The following EYS variants were observed in gnomAD, a reference collection of about 807,000 sequenced individuals.
The protein encoded by EYS is EGF-like photoreceptor maintenance factor, also known as protein eyes shut homolog.
Under a neutral mutation model 282.1 loss-of-function variants are expected in EYS, and 250 were observed. The observed-to-expected ratio is 0.89, with a 90% CI of 0.80 to 0.98. The LOEUF (loss-of-function observed/expected upper bound fraction) is 0.98, where lower values mean the gene tolerates loss of function less well. Among genes scored for constraint, EYS ranks in the 50% least tolerant of loss-of-function variants. EYS has a pLI of 0.00. For missense variants in EYS, 4,016 were observed against 3,709.0 expected, an observed-to-expected ratio of 1.08 and a Z score of -2.15; for synonymous variants, 1,355 against 1,282.9, an observed-to-expected ratio of 1.06 and a Z score of -1.20.
intron 12 of EYS, among the ~76,000 whole-genome samples, chr6:65,181,292 T>A (rs1330080315): frequency 6.6e-6 from 1 of 151,962 alleles, no homozygotes. Flanking sequence ...GGGAGAAAAT[T>A]TTTGCAATCT....
At chr6:64,851,816 G>A (rs978023380) in intron 19 of EYS, among the ~76,000 whole-genome samples, 2 of 151,962 alleles carry the variant, frequency 1.3e-5, no homozygotes, top group African/African-American at 2.4e-5. Flanking sequence ...GGTGGGAGAA[G>A]GGAAAGGATC....
At chr6:64,694,881 ACTGGTCATT>A (rs1345984317) in intron 22 of EYS, among the ~76,000 whole-genome samples, 4 of 152,050 alleles carry the variant, frequency 2.6e-5, no homozygotes, top group African/African-American at 9.7e-5. Flanking sequence ...GACTTGGCTA[ACTGGTCATT>A]CTTGCTGCCA....
At chr6:65,546,174 A>C (rs1026277502) in intron 2 of EYS, among the ~76,000 whole-genome samples, 1 of 144,054 alleles carries the variant, frequency 6.9e-6, no homozygotes, top group African/African-American at 2.5e-5. Flanking sequence ...GCACATGACT[A>C]CATCTGTCTA....
intron 31 of EYS, among the ~76,000 whole-genome samples, chr6:64,096,954 T>C (rs1002941638): frequency 6.6e-6 from 1 of 152,216 alleles, no homozygotes; most frequent in African/African-American, 2.4e-5. Context: ...TTCTGTTTGA[T>C]AGTTTTCCTT....
intron 1 of EYS, among the ~76,000 whole-genome samples, chr6:65,675,979 A>T (rs1237100451): frequency 6.6e-6 from 1 of 151,874 alleles, no homozygotes; most frequent in African/African-American, 2.4e-5. Flanking sequence ...AAACTAACAC[A>T]CTACCAATGG....
At chr6:64,697,343 C>T (rs1358140509) in intron 22 of EYS, among the ~76,000 whole-genome samples, 4 of 151,904 alleles carry the variant, frequency 2.6e-5, no homozygotes, top group African/African-American at 7.3e-5. Context: ...TATAACAACC[C>T]AAAATACATA....
chr6:63,815,303 G>C (rs571541874), intron 36 of EYS, among the ~76,000 whole-genome samples: 1 of 152,262 alleles, frequency 6.6e-6, no homozygotes, highest in East Asian at 1.9e-4. Flanking sequence ...GCTCAGAGAT[G>C]TTAAGTCACA....
At chr6:64,202,298 T>TA (rs1462231249) in intron 31 of EYS, among the ~76,000 whole-genome samples, 2 of 152,196 alleles carry the variant, frequency 1.3e-5, no homozygotes, top group Non-Finnish European at 2.9e-5. Flanking sequence ...AGTTATTTTC[T>TA]GAGAAGCATC....
intron 5 of EYS, among the ~76,000 whole-genome samples, chr6:65,440,117 A>G (rs149227864): frequency 5.3e-5 from 8 of 152,246 alleles, no homozygotes; most frequent in Admixed American, 2.6e-4. Flanking sequence ...GTGAAAGTCA[A>G]TGGAACAAAT....
rs534587761 is a variant in EYS at position 63,826,174 on chromosome 6, TTAATC to T, written c.7229-19807_7229-19803del. 6.9e-3 allele frequency among the ~76,000 whole-genome samples: 1,051 copies of T among 152,222 alleles called. 5 individuals are homozygous for T. The highest frequency in any genetic ancestry group is 0.011 in the Non-Finnish European group (751 of 67,998). On this transcript the variant is annotated intron_variant, in intron 36 of 42. Coordinates refer to ENST00000503581, the MANE Select transcript of EYS (RefSeq NM_001142800.2). ...AGAGCTCAAAGACAAGGTCTTTGGATTAATCCAATCCAACAAAGACAAAAAATAAG... is the reference window on the plus strand; with the variant it reads ...AGAGCTCAAAGACAAGGTCTTTGGATCAATCCAACAAAGACAAAAAATAAG...
intron 22 of EYS, among the ~76,000 whole-genome samples, chr6:64,724,870 T>G (rs1224489387): frequency 6.6e-6 from 1 of 152,120 alleles, no homozygotes; most frequent in African/African-American, 2.4e-5. Context: ...AAAGGTGGCT[T>G]CAAATTTTGC....
chr6:64,600,286 T>A (rs901880423), intron 24 of EYS, among the ~76,000 whole-genome samples: 1 of 110,096 alleles, frequency 9.1e-6, no homozygotes, highest in Non-Finnish European at 1.9e-5. Context: ...CATTAAGATA[T>A]TAACAGATTC....
At chr6:64,172,426 G>C (rs528033710) in intron 31 of EYS, among the ~76,000 whole-genome samples, 4 of 152,192 alleles carry the variant, frequency 2.6e-5, no homozygotes, top group African/African-American at 9.6e-5. Context: ...TATTTTTTAT[G>C]AGTTTGACAA....
chr6:64,052,396 C>T (rs909339906), intron 33 of EYS, among the ~76,000 whole-genome samples: 1 of 152,112 alleles, frequency 6.6e-6, no homozygotes, highest in African/African-American at 2.4e-5. Flanking sequence ...TATCAACTTG[C>T]ATCAGTCTTT....
At chr6:65,589,002 T>C (rs890420586) in intron 2 of EYS, among the ~76,000 whole-genome samples, 2 of 152,048 alleles carry the variant, frequency 1.3e-5, no homozygotes, top group African/African-American at 4.8e-5. Flanking sequence ...TAGTCATCAT[T>C]CTTTAAAAGT....
intron 22 of EYS, among the ~76,000 whole-genome samples, chr6:64,667,174 TTAATAATATTTATAATATA>T (rs1769261812): frequency 1.3e-5 from 2 of 148,952 alleles, no homozygotes; most frequent in African/African-American, 4.9e-5. Flanking sequence ...TATTAAATAT[TTAATAATATTTATAATATA>T]TAATAATATA....
intron 33 of EYS, among the ~76,000 whole-genome samples, chr6:64,038,340 A>T (rs1350314556): frequency 1.3e-5 from 2 of 152,214 alleles, no homozygotes; most frequent in Non-Finnish European, 2.9e-5. Context: ...TGAAAATGAT[A>T]ACTGTGAGGT....
At chr6:65,286,794 C>T (rs1379917135) in intron 12 of EYS, among the ~76,000 whole-genome samples, 1 of 151,516 alleles carries the variant, frequency 6.6e-6, no homozygotes, top group Non-Finnish European at 1.5e-5. Flanking sequence ...TGGTCTTGGG[C>T]TGCTTGATAT....
At chr6:64,532,681 C>T (rs1582861880) in intron 26 of EYS, among the ~76,000 whole-genome samples, 1 of 151,770 alleles carries the variant, frequency 6.6e-6, no homozygotes, top group East Asian at 1.9e-4. Flanking sequence ...TGCATTCCAG[C>T]CTGGGTGACG....
Sources: allele counts gnomAD v4.1 joint callset (sites outside exome capture counted in the v4.1 genomes callset), GRCh38; gene constraint gnomAD v4.1.1; transcripts MANE v1.5; gene names NCBI Gene and HGNC (gene_info 2026-07-23, HGNC 2026-07-21).